Variants in GPC6 observed in about 807,000 individuals in gnomAD.
GPC6 encodes the protein glypican-6.
Under a neutral mutation model 55.2 loss-of-function variants are expected in GPC6, and 14 were observed. That is an observed-to-expected ratio of 0.25 (90% CI 0.17 to 0.40). The LOEUF (loss-of-function observed/expected upper bound fraction) is 0.40. Among genes scored for constraint, GPC6 ranks in the 10% least tolerant of loss-of-function variants. The pLI, the probability that GPC6 is intolerant of heterozygous loss-of-function variation, is 1.00. For synonymous variants in GPC6, 278 were observed against 259.6 expected, an observed-to-expected ratio of 1.07 and a Z score of -0.68; for missense variants, 641 against 708.5, an observed-to-expected ratio of 0.90 and a Z score of 1.08.
intron 3 of GPC6, among the ~76,000 whole-genome samples, chr13:93,999,653 AT>A (rs1881712012): frequency 6.6e-6 from 1 of 152,202 alleles, no homozygotes; most frequent in South Asian, 2.1e-4. Context: ...ATAGTATTCC[AT>A]TGTGTCGACC....
intron 3 of GPC6, among the ~76,000 whole-genome samples, chr13:93,862,620 C>A (rs1275450480): frequency 1.3e-5 from 2 of 151,558 alleles, no homozygotes; most frequent in Non-Finnish European, 3.0e-5. Context: ...CAACCCCCAC[C>A]ACATATAAGA....
chr13:93,969,749 G>C (rs1046339424), intron 3 of GPC6, among the ~76,000 whole-genome samples: 3 of 150,506 alleles, frequency 2.0e-5, no homozygotes, highest in Non-Finnish European at 1.5e-5. Context: ...CTGGCCTCTG[G>C]TAGCCACCAT....
At chr13:93,665,340 A>G (rs998022243) in intron 2 of GPC6, among the ~76,000 whole-genome samples, 1 of 152,228 alleles carries the variant, frequency 6.6e-6, no homozygotes, top group African/African-American at 2.4e-5. Context: ...ATCAATTTGC[A>G]GCACTCTATG....
chr13:93,332,776 A>C (rs1260209391), intron 1 of GPC6, among the ~76,000 whole-genome samples: 1 of 152,064 alleles, frequency 6.6e-6, no homozygotes, highest in Non-Finnish European at 1.5e-5. Flanking sequence ...TACCTCAAAA[A>C]TTTATGTCCT....
In GPC6 at chr13:93,980,416, A is replaced by G. The variant is rs116108419; in HGVS notation, c.712-47313A>G. On this transcript the variant is annotated intron_variant, in intron 3 of 8. Coordinates refer to ENST00000377047, the MANE Select transcript of GPC6 (RefSeq NM_005708.5). ...CCTAGATAGTAGGCAAAAAATGGTAATAAACTGTTAACAGCTTAGGACTTC... is the reference window on the plus strand; with the variant it reads ...CCTAGATAGTAGGCAAAAAATGGTAGTAAACTGTTAACAGCTTAGGACTTC... Among the ~76,000 whole-genome samples, 418 of 152,252 alleles carry G rather than the reference A, an allele frequency of 2.7e-3. 3 individuals are homozygous for G. Among genetic ancestry groups the G allele is most frequent in the African/African-American group, 9.8e-3 (408 of 41,562 alleles).
chr13:94,083,035 G>C (rs1885155054), intron 4 of GPC6, among the ~76,000 whole-genome samples: 1 of 152,172 alleles, frequency 6.6e-6, no homozygotes, highest in Admixed American at 6.5e-5. Context: ...TTTCACCTAG[G>C]TCCCTGCTGG....
At chr13:94,304,839 C>T (rs937801854) in intron 5 of GPC6, among the ~76,000 whole-genome samples, 1 of 152,180 alleles carries the variant, frequency 6.6e-6, no homozygotes, top group Admixed American at 6.5e-5. Context: ...CAGCTGTCAA[C>T]AACAAAATTA....
intron 6 of GPC6, among the ~76,000 whole-genome samples, chr13:94,377,155 C>A (rs9589983): frequency 0.18 from 27,227 of 151,222 alleles, 2,564 homozygotes; most frequent in South Asian, 0.3. Context: ...GACTTCATGT[C>A]TAAAACACCA....
At chr13:93,270,899 G>T (rs941182865) in intron 1 of GPC6, among the ~76,000 whole-genome samples, 2 of 152,160 alleles carry the variant, frequency 1.3e-5, no homozygotes, top group African/African-American at 4.8e-5. Context: ...GGAGATTAAA[G>T]CTGATTGTAG....
intron 1 of GPC6, among the ~76,000 whole-genome samples, chr13:93,386,454 T>C (rs181369196): frequency 2.9e-4 from 44 of 151,946 alleles, no homozygotes; most frequent in Admixed American, 7.9e-4. Context: ...TGTTTCATGT[T>C]AGTGTCTACA....
At chr13:93,627,558 C>T (rs955581860) in intron 2 of GPC6, among the ~76,000 whole-genome samples, 3 of 152,184 alleles carry the variant, frequency 2.0e-5, no homozygotes, top group Non-Finnish European at 4.4e-5. Context: ...CAGTAATTCA[C>T]AAGCTACATC....
chr13:93,846,801 T>G (rs977372713), intron 3 of GPC6, among the ~76,000 whole-genome samples: 2 of 152,104 alleles, frequency 1.3e-5, no homozygotes, highest in Non-Finnish European at 2.9e-5. Flanking sequence ...AATTTTGGTG[T>G]GTATTTTGTG....
intron 2 of GPC6, among the ~76,000 whole-genome samples, chr13:93,661,214 TA>T (rs1880906500): frequency 6.6e-6 from 1 of 152,056 alleles, no homozygotes; most frequent in East Asian, 1.9e-4. Context: ...CTTTTTTATT[TA>T]TTAGGAGTAT....
chr13:93,460,776 A>AC (rs769718082), intron 1 of GPC6, among the ~76,000 whole-genome samples: 44 of 151,868 alleles, frequency 2.9e-4, no homozygotes, highest in Non-Finnish European at 5.1e-4. Flanking sequence ...AACTAATATT[A>AC]CCCCCCCATT....
At chr13:94,012,189 T>TTAATTGTC (rs1882273260) in intron 3 of GPC6, among the ~76,000 whole-genome samples, 1 of 152,218 alleles carries the variant, frequency 6.6e-6, no homozygotes, top group African/African-American at 2.4e-5. Context: ...AGTTCATGGC[T>TTAATTGTC]TAATTGTCAG....
intron 2 of GPC6, among the ~76,000 whole-genome samples, chr13:93,774,265 G>A (rs1290114545): frequency 6.6e-6 from 1 of 152,160 alleles, no homozygotes; most frequent in Non-Finnish European, 1.5e-5. Context: ...TCTTCAAGAA[G>A]AGGGAATCAT....
chr13:93,608,733 G>A (rs939514342), intron 2 of GPC6, among the ~76,000 whole-genome samples: 3 of 152,176 alleles, frequency 2.0e-5, no homozygotes, highest in African/African-American at 4.8e-5. Context: ...GTCCTGCCAC[G>A]TTCAGGGAGA....
At chr13:93,464,709 T>C (rs1878843490) in intron 1 of GPC6, among the ~76,000 whole-genome samples, 1 of 152,206 alleles carries the variant, frequency 6.6e-6, no homozygotes. Context: ...CAAACAACTG[T>C]TAATGTTGGT....
chr13:93,375,934 C>T (rs1053317127), intron 1 of GPC6, among the ~76,000 whole-genome samples: 2 of 151,932 alleles, frequency 1.3e-5, no homozygotes, highest in African/African-American at 2.4e-5. Context: ...GTAAAAATAA[C>T]AATTTTTAAA....
Sources: allele counts gnomAD v4.1 joint callset (sites outside exome capture counted in the v4.1 genomes callset), GRCh38; gene constraint gnomAD v4.1.1; transcripts MANE v1.5; gene names NCBI Gene and HGNC (gene_info 2026-07-23, HGNC 2026-07-21).